FBH1: variants seen among roughly 807,000 people sequenced by gnomAD.
FBH1 encodes F-box DNA helicase 1.
Under a neutral mutation model 115.5 loss-of-function variants are expected in FBH1, and 43 were observed. The ratio of observed to expected loss-of-function variants is 0.37; its 90% CI spans 0.29 to 0.48. FBH1 has a LOEUF of 0.48. FBH1 is among the 20% of genes least tolerant of loss of function. The pLI, the probability that FBH1 is intolerant of heterozygous loss-of-function variation, is 0.99. For synonymous variants in FBH1, 524 were observed against 507.8 expected, an observed-to-expected ratio of 1.03 and a Z score of -0.43; for missense variants, 1,001 against 1,337.3, an observed-to-expected ratio of 0.75 and a Z score of 3.92.
intron 19 of FBH1, chr10:5,934,244 A>G (rs1482611830): frequency 6.6e-6 from 1 of 152,144 alleles, no homozygotes; most frequent in East Asian, 1.9e-4. Flanking sequence ...CTTAGAAAAT[A>G]TAGCTAATAG....
At chr10:5,891,724 C>G (rs1360563712) in intron 1 of FBH1, among the ~76,000 whole-genome samples, 1 of 152,216 alleles carries the variant, frequency 6.6e-6, no homozygotes, top group African/African-American at 2.4e-5. Context: ...ATTCTCCTGC[C>G]TCAGCCTCCC....
In FBH1 at chr10:5,915,787, GA is replaced by G. The variant is rs1831890534; in HGVS notation, c.1565+217del. On this transcript the variant is annotated intron_variant, in intron 9 of 20. Coordinates refer to ENST00000362091, the MANE Select transcript of FBH1 (RefSeq NM_178150.3). The surrounding 1 kb of genome is among the most constrained non-coding windows in gnomAD (Gnocchi z 5.2). Reference sequence around the variant, plus strand: ...TTTACATATAATGCCGTCTTGCCAAGAGGGGTGTTCTCATGGAAGTGAGGCA... The same window carrying G: ...TTTACATATAATGCCGTCTTGCCAAGGGGGTGTTCTCATGGAAGTGAGGCA... 4 of 561,992 alleles carry G rather than the reference GA, an allele frequency of 7.1e-6. No individual in the cohort carries two copies. Among genetic ancestry groups the G allele is most frequent in the Non-Finnish European group, 1.3e-5 (4 of 316,990 alleles). The allele number at this position is 561,992 out of a possible 1,614,324, so 34.8% of individuals were successfully genotyped here.
At position 5,911,655 on chromosome 10, in the gene FBH1, C is replaced by T. The variant is rs1354149886; in HGVS notation, c.1211+527C>T. The stretch of plus-strand genomic sequence containing the variant: ...CACCTGTGTGTGTCCGACAGTTGTC[C>T]ACGAGCCGGTCCACTGTGACCGGCT... On this transcript the variant is annotated intron_variant, in intron 6 of 20. Coordinates refer to ENST00000362091, the MANE Select transcript of FBH1 (RefSeq NM_178150.3). The surrounding 1 kb of genome is among the most constrained non-coding windows in gnomAD (Gnocchi z 5.4). Among the ~76,000 whole-genome samples, 3 of 152,100 alleles carry T rather than the reference C, an allele frequency of 2.0e-5. 1 individual carries two copies. The East Asian group carries it at 5.8e-4, about 29-fold the overall frequency.
chr10:5,914,136 C>T lies in FBH1; in HGVS notation c.1305-42C>T, dbSNP rs374124237. ...GACTGTCTATCCCCTGGACTTTTCA[C>T]GTCTTTCTGTTTTTCTTACTTCTCT... On this transcript the variant is annotated intron_variant, in intron 7 of 20. Transcript: ENST00000362091. This position sits in a 1 kb window ranked among gnomAD's most constrained non-coding sequence, Gnocchi z 5.2. 23 of 1,590,606 alleles carry T rather than the reference C, an allele frequency of 1.4e-5. No homozygotes were observed. Among genetic ancestry groups the T allele is most frequent in the South Asian group, 1.2e-4 (11 of 90,492 alleles).
At chr10:5,894,805 C>T (rs918391783) in intron 1 of FBH1, among the ~76,000 whole-genome samples, 20 of 152,100 alleles carry the variant, frequency 1.3e-4, no homozygotes, top group African/African-American at 4.6e-4. Flanking sequence ...GGATGGAAGA[C>T]GTATTAAATA....
Position 5,900,174 on chromosome 10 carries a change from G to T in FBH1, c.2-2846G>T, listed in dbSNP as rs892274189. ...TTAGGTGGCATCTTTATAATTTGAAGGATATTTCAATGTCTTAGGCAGGCT... is the reference window on the plus strand; with the variant it reads ...TTAGGTGGCATCTTTATAATTTGAATGATATTTCAATGTCTTAGGCAGGCT... On this transcript the variant is annotated intron_variant, in intron 1 of 20. Transcript: ENST00000362091. This position sits in a 1 kb window ranked among gnomAD's most constrained non-coding sequence, Gnocchi z 4.2. Among the ~76,000 whole-genome samples, 1 of 152,192 alleles carries T rather than the reference G, an allele frequency of 6.6e-6. No individual in the cohort carries two copies. The highest frequency in any genetic ancestry group is 2.4e-5 in the African/African-American group (1 of 41,448).
In FBH1 at chr10:5,936,685, C is replaced by A; in HGVS notation, c.2961+98C>A. The A allele has an allele frequency of 6.9e-7, 1 of 1,458,902 alleles. No individual in the cohort carries two copies. The highest frequency in any genetic ancestry group is 9.5e-7 in the Non-Finnish European group (1 of 1,058,084). The allele number at this position is 1,458,902 out of a possible 1,614,324, so 90.4% of individuals were successfully genotyped here. ...TTGTAGGTGAGGAGATAAGAGAGAGCTGTGTGATCCTTTATTAGGGGCTTT... is the reference window on the plus strand; with the variant it reads ...TTGTAGGTGAGGAGATAAGAGAGAGATGTGTGATCCTTTATTAGGGGCTTT... On this transcript the variant is annotated intron_variant, in intron 20 of 20. Transcript: ENST00000362091. This position sits in a 1 kb window ranked among gnomAD's most constrained non-coding sequence, Gnocchi z 5.6.
At position 5,895,211 on chromosome 10, in the gene FBH1, C is replaced by T. The variant is rs1934348904; in HGVS notation, c.1+4865C>T. 3 of 1,601,870 alleles carry T rather than the reference C, an allele frequency of 1.9e-6. No homozygotes were observed. Among genetic ancestry groups the T allele is most frequent in the Middle Eastern group, 1.7e-4 (1 of 5,960 alleles). On this transcript the variant is annotated intron_variant, in intron 1 of 20. Coordinates refer to ENST00000362091, the MANE Select transcript of FBH1 (RefSeq NM_178150.3). The surrounding 1 kb of genome is among the most constrained non-coding windows in gnomAD (Gnocchi z 5.0). ...AAGTAAGAGGCATGTGGGAAACTGA[C>T]CAGGGCGGTTAGCTGACTCCAAAAT...
intron 1 of FBH1, among the ~76,000 whole-genome samples, chr10:5,898,176 G>A (rs570722375): frequency 7.9e-5 from 12 of 152,202 alleles, no homozygotes; most frequent in African/African-American, 2.2e-4. Flanking sequence ...TAACTGGGCC[G>A]CTTATAAGCA....
rs1375385051 is a variant in FBH1 at position 5,924,366 on chromosome 10, T to C, written c.2454T>C (p.Phe818=). Residue 818 remains phenylalanine, a synonymous_variant, in exon 17 of 21, where the codon TTT becomes TTC. Transcript: ENST00000362091. This position sits in a 1 kb window ranked among gnomAD's most constrained non-coding sequence, Gnocchi z 6.2. ...GAAGATGGGTGCACAAAGAAGGCTTTAGTGGCTTCAAGAGGTATGTGACCG... is the reference window on the plus strand; with the variant it reads ...GAAGATGGGTGCACAAAGAAGGCTTCAGTGGCTTCAAGAGGTATGTGACCG... The part of the protein sequence containing the change: ...FIRRWVHKEG[F]SGFKRYVTAA... The C allele has an allele frequency of 6.2e-7, 1 of 1,614,104 alleles. No homozygotes were observed. The highest frequency in any genetic ancestry group is 2.2e-5 in the East Asian group (1 of 44,900).
rs925673173 is a variant in FBH1 at position 5,911,650 on chromosome 10, T to C, written c.1211+522T>C. ...CTGAACACCTGTGTGTGTCCGACAG[T>C]TGTCCACGAGCCGGTCCACTGTGAC... On this transcript the variant is annotated intron_variant, in intron 6 of 20. Transcript: ENST00000362091. The surrounding 1 kb of genome is among the most constrained non-coding windows in gnomAD (Gnocchi z 5.4). Among the ~76,000 whole-genome samples the C allele has an allele frequency of 5.3e-5, 8 of 152,092 alleles. No homozygotes were observed. Among genetic ancestry groups the C allele is most frequent in the African/African-American group, 1.9e-4 (8 of 41,414 alleles).
intron 1 of FBH1, among the ~76,000 whole-genome samples, chr10:5,893,071 C>T (rs912076381): frequency 3.3e-5 from 5 of 152,174 alleles, no homozygotes; most frequent in African/African-American, 7.2e-5. Context: ...TTTGGGAGGC[C>T]GAGGCAGGTG....
Position 5,924,593 on chromosome 10 carries a change from A to C in FBH1, c.2596+85A>C. The C allele has an allele frequency of 7.4e-7, 1 of 1,357,118 alleles. No homozygotes were observed. The highest frequency in any genetic ancestry group is 1.5e-5 in the African/African-American group (1 of 67,672). The allele number at this position is 1,357,118 out of a possible 1,614,324, so 84.1% of individuals were successfully genotyped here. A position where few individuals can be genotyped will look rare whatever the true frequency, so the allele number is the denominator to read the frequency against. The stretch of plus-strand genomic sequence containing the variant: ...TGTTCTTTTTTTTTTTTTGAGACAG[A>C]GTATTGCTCTGTTGCCCAGGCTGGA... On this transcript the variant is annotated intron_variant, in intron 17 of 20. Transcript: ENST00000362091. This position sits in a 1 kb window ranked among gnomAD's most constrained non-coding sequence, Gnocchi z 6.2.
In FBH1 at chr10:5,895,402, A is replaced by T. The variant is rs1398656284; in HGVS notation, c.1+5056A>T. Among the ~76,000 whole-genome samples the T allele has an allele frequency of 6.6e-6, 1 of 152,134 alleles. No individual in the cohort carries two copies. Among genetic ancestry groups the T allele is most frequent in the Non-Finnish European group, 1.5e-5 (1 of 68,028 alleles). On this transcript the variant is annotated intron_variant, in intron 1 of 20. Coordinates refer to ENST00000362091, the MANE Select transcript of FBH1 (RefSeq NM_178150.3). This position sits in a 1 kb window ranked among gnomAD's most constrained non-coding sequence, Gnocchi z 5.0. ...TTACTTCCAGGAATTCTAGGTACTT[A>T]TTGTCTTCATCTTGTCCATTTAGGT...
At chr10:5,916,513 T>C in intron 10 of FBH1, 57 bp downstream of exon 10, 1 of 1,564,346 alleles carries the variant, frequency 6.4e-7, no homozygotes, top group South Asian at 1.1e-5. Flanking sequence ...ACAGGGGAAG[T>C]GTTAGGGATC....
rs1285899600 is a variant in FBH1, at chr10:5,895,324, C to T, written c.1+4978C>T. ...AGTTTCTCCAGTCAGGTACCTTGTA[C>T]TAGCGAGTCAACTTGATTTTTTTTT... On this transcript the variant is annotated intron_variant, in intron 1 of 20. Coordinates refer to ENST00000362091, the MANE Select transcript of FBH1 (RefSeq NM_178150.3). This position sits in a 1 kb window ranked among gnomAD's most constrained non-coding sequence, Gnocchi z 5.0. 7.6e-6 allele frequency: 6 copies of T among 792,956 alleles called. No homozygotes were observed. Among genetic ancestry groups the T allele is most frequent in the Non-Finnish European group, 1.1e-5 (6 of 555,512 alleles). The allele number at this position is 792,956 out of a possible 1,614,324, so 49.1% of individuals were successfully genotyped here.
chr10:5,902,346 AAAAG>A (rs1843398452), intron 1 of FBH1, among the ~76,000 whole-genome samples: 1 of 152,240 alleles, frequency 6.6e-6, no homozygotes, highest in Admixed American at 6.5e-5. Flanking sequence ...CATTTAACAA[AAAAG>A]AAAGTTATAA....
At position 5,915,588 on chromosome 10, in the gene FBH1, C is replaced by G; in HGVS notation, c.1565+17C>G. 1.9e-6 allele frequency: 3 copies of G among 1,611,930 alleles called. No individual in the cohort carries two copies. Among genetic ancestry groups the G allele is most frequent in the Admixed American group, 1.7e-5 (1 of 59,958 alleles). On this transcript the variant is annotated intron_variant, in intron 9 of 20. Transcript: ENST00000362091. The surrounding 1 kb of genome is among the most constrained non-coding windows in gnomAD (Gnocchi z 5.2). ...AGGGCGGAAGTGAGTACTGCTGTCACTAGTGGCACTGTTGCTGCTGGCACG... is the reference window on the plus strand; with the variant it reads ...AGGGCGGAAGTGAGTACTGCTGTCAGTAGTGGCACTGTTGCTGCTGGCACG...
chr10:5,933,499 A>G lies in FBH1; in HGVS notation c.2830-2957A>G, dbSNP rs74981682. Among the ~76,000 whole-genome samples, 243 of 152,370 alleles carry G rather than the reference A, an allele frequency of 1.6e-3. 4 individuals are homozygous for G. In the East Asian group the frequency reaches 0.042, roughly 26 times the overall value. ...CATAGAAGAAAAGAATACAGAATCT[A>G]GAGAAATACTTCCCCATTACTGAGA... On this transcript the variant is annotated intron_variant, in intron 19 of 20. Coordinates refer to ENST00000362091, the MANE Select transcript of FBH1 (RefSeq NM_178150.3). The surrounding 1 kb of genome is among the most constrained non-coding windows in gnomAD (Gnocchi z 4.9).
Sources: allele counts gnomAD v4.1 joint callset (sites outside exome capture counted in the v4.1 genomes callset), GRCh38; gene constraint gnomAD v4.1.1; non-coding constraint Gnocchi (gnomAD v3.1); transcripts MANE v1.5; gene names NCBI Gene and HGNC (gene_info 2026-07-23, HGNC 2026-07-21).